MTUS2: variants seen among roughly 807,000 people sequenced by gnomAD.
MTUS2 encodes the protein microtubule-associated tumor suppressor candidate 2.
MTUS2 carries 40 observed loss-of-function variants against 114.1 expected under a neutral mutation model. That is an observed-to-expected ratio of 0.35 (90% CI 0.27 to 0.46). MTUS2 has a LOEUF of 0.46. Ranked by LOEUF, MTUS2 falls within the 20% of genes least tolerant of loss-of-function variation. The probability of loss-of-function intolerance (pLI) is 1.00; values close to 1 mark genes in which losing one functional copy is unlikely to be tolerated. For synonymous variants in MTUS2, 688 were observed against 672.0 expected (o/e 1.02, Z -0.37); for missense variants, 1,679 against 1,705.4 (o/e 0.98, Z 0.27).
intron 4 of MTUS2, among the ~76,000 whole-genome samples, chr13:29,034,978 A>G (rs1886998510): frequency 6.6e-6 from 1 of 152,218 alleles, no homozygotes; most frequent in South Asian, 2.1e-4. Flanking sequence ...TATAAAAATA[A>G]TCTTAGTTGA....
chr13:29,212,224 T>C (rs1895471364), intron 5 of MTUS2, among the ~76,000 whole-genome samples: 2 of 152,216 alleles, frequency 1.3e-5, no homozygotes, highest in Non-Finnish European at 2.9e-5. Flanking sequence ...GTGTATTGTT[T>C]AGTTTGCACA....
chr13:29,384,388 T>C (rs185380173), intron 8 of MTUS2, among the ~76,000 whole-genome samples: 1 of 152,214 alleles, frequency 6.6e-6, no homozygotes, highest in African/African-American at 2.4e-5. Context: ...ACCTGTTACA[T>C]TCTGTTCAGA....
At chr13:29,462,541 C>A (rs891962898) in intron 9 of MTUS2, among the ~76,000 whole-genome samples, 5 of 152,052 alleles carry the variant, frequency 3.3e-5, no homozygotes, top group African/African-American at 4.8e-5. Context: ...GGAGATGTGG[C>A]CAAATTCCAG....
At chr13:29,193,598 A>G (rs1169743759) in intron 5 of MTUS2, among the ~76,000 whole-genome samples, 2 of 152,336 alleles carry the variant, frequency 1.3e-5, no homozygotes, top group East Asian at 1.9e-4. Flanking sequence ...AAAAGAGGAT[A>G]CAAAGAAATG....
At chr13:29,117,620 G>C (rs1250417505) in intron 5 of MTUS2, among the ~76,000 whole-genome samples, 2 of 152,154 alleles carry the variant, frequency 1.3e-5, no homozygotes, top group Non-Finnish European at 2.9e-5. Flanking sequence ...AAATAAGTGG[G>C]ACAGGAAAGC....
At chr13:29,231,241 A>T (rs1434564884) in intron 5 of MTUS2, among the ~76,000 whole-genome samples, 1 of 152,252 alleles carries the variant, frequency 6.6e-6, no homozygotes, top group Non-Finnish European at 1.5e-5. Flanking sequence ...TATAGCACGT[A>T]TGAAATTACC....
chr13:29,347,832 A>C (rs1868859966), intron 7 of MTUS2, among the ~76,000 whole-genome samples: 1 of 152,180 alleles, frequency 6.6e-6, no homozygotes, highest in African/African-American at 2.4e-5. Context: ...TGAATAATTT[A>C]TTATAACAGC....
intron 8 of MTUS2, among the ~76,000 whole-genome samples, chr13:29,433,020 C>A (rs1593438102): frequency 6.6e-6 from 1 of 152,316 alleles, no homozygotes; most frequent in East Asian, 1.9e-4. Flanking sequence ...GATTAAAACG[C>A]AGGCAACTGG....
At chr13:28,823,446 G>A (rs576163588) in intron 1 of MTUS2, among the ~76,000 whole-genome samples, 4 of 152,172 alleles carry the variant, frequency 2.6e-5, no homozygotes, top group Non-Finnish European at 5.9e-5. Flanking sequence ...TGTGAATTTG[G>A]ATGCCTTTAG....
intron 5 of MTUS2, among the ~76,000 whole-genome samples, chr13:29,203,560 GAAA>G (rs57964712): frequency 8.6e-6 from 1 of 116,118 alleles, no homozygotes. Context: ...ACTGGGGTAT[GAAA>G]AAAAAAAAAA....
chr13:29,413,206 C>A (rs1249492073), intron 8 of MTUS2, among the ~76,000 whole-genome samples: 1 of 152,142 alleles, frequency 6.6e-6, no homozygotes, highest in Non-Finnish European at 1.5e-5. Flanking sequence ...CAGACTTGGG[C>A]ATCTTTTAGG....
intron 2 of MTUS2, among the ~76,000 whole-genome samples, chr13:28,865,168 T>C (rs1170054609): frequency 6.6e-6 from 1 of 152,142 alleles, no homozygotes; most frequent in Non-Finnish European, 1.5e-5. Context: ...GTCTGGGAAG[T>C]AGATGACATG....
intron 2 of MTUS2, among the ~76,000 whole-genome samples, chr13:28,906,929 C>T (rs1276083085): frequency 6.6e-6 from 1 of 151,346 alleles, no homozygotes; most frequent in Admixed American, 6.6e-5. Flanking sequence ...TCGAGAAGAG[C>T]AACTCCAAGA....
rs1886551601 is a variant in MTUS2 at position 29,026,417 on chromosome 13, C to A, written c.1719C>A (p.Pro573=). The A allele has an allele frequency of 6.2e-7, 1 of 1,613,800 alleles. No individual in the cohort carries two copies. The highest frequency in any genetic ancestry group is 8.5e-7 in the Non-Finnish European group (1 of 1,179,872). Residue 573 remains proline (P), a synonymous_variant, in exon 3 of 16, where the codon CCC becomes CCA. Coordinates refer to ENST00000612955, the MANE Select transcript of MTUS2 (RefSeq NM_001033602.4). ...MDAGSPLVVP[P]PTDSARLLNT... ...CGGGGTCCCCCTTGGTAGTTCCACC[C>A]CCTACTGATAGTGCACGCTTGTTGA...
chr13:29,244,440 G>C (rs1896836984), intron 5 of MTUS2, among the ~76,000 whole-genome samples: 1 of 152,078 alleles, frequency 6.6e-6, no homozygotes, highest in South Asian at 2.1e-4. Context: ...GAAAAGGAGA[G>C]AAGCAAGTGA....
intron 8 of MTUS2, among the ~76,000 whole-genome samples, chr13:29,422,664 T>C (rs1353352100): frequency 6.9e-6 from 1 of 144,086 alleles, no homozygotes; most frequent in African/African-American, 2.6e-5. Context: ...TTTTTTTTTT[T>C]TTTTTTTTTG....
At chr13:29,446,136 A>G (rs1156255509) in intron 9 of MTUS2, among the ~76,000 whole-genome samples, 1 of 152,180 alleles carries the variant, frequency 6.6e-6, no homozygotes, top group East Asian at 1.9e-4. Context: ...AGGTAATCCT[A>G]CCACTCGAAA....
At chr13:28,968,248 A>G (rs1475048392) in intron 2 of MTUS2, among the ~76,000 whole-genome samples, 1 of 152,194 alleles carries the variant, frequency 6.6e-6, no homozygotes, top group Non-Finnish European at 1.5e-5. Context: ...AATATATTTC[A>G]TACTGTGAGG....
intron 5 of MTUS2, among the ~76,000 whole-genome samples, chr13:29,197,510 A>G (rs1409863117): frequency 1.3e-5 from 2 of 152,204 alleles, no homozygotes; most frequent in Non-Finnish European, 2.9e-5. Flanking sequence ...GCTATTGTGA[A>G]TAGTGCAGCA....
Sources: gnomAD v4.1 joint callset for allele counts (sites outside exome capture counted in the v4.1 genomes callset) on GRCh38, gnomAD v4.1.1 for gene constraint, MANE v1.5 for transcripts, NCBI Gene and HGNC (gene_info 2026-07-23, HGNC 2026-07-21) for gene names.